Variants in RAPGEF2 observed in about 807,000 individuals in gnomAD.
RAPGEF2 encodes the protein PDZ domain containing guanine nucleotide exchange factor (GEF) 1.
In RAPGEF2, 54 loss-of-function variants were observed where a neutral mutation model predicts 186.7. That is an observed-to-expected ratio of 0.29 (90% CI 0.23 to 0.36). The LOEUF (loss-of-function observed/expected upper bound fraction) is 0.36. Ranked by LOEUF, RAPGEF2 falls within the 10% of genes least tolerant of loss-of-function variation. The probability of loss-of-function intolerance (pLI) is 1.00; values close to 1 mark genes in which losing one functional copy is unlikely to be tolerated. For synonymous variants in RAPGEF2, 712 were observed against 705.9 expected, an observed-to-expected ratio of 1.01 and a Z score of -0.14; for missense variants, 1,532 against 2,045.0, an observed-to-expected ratio of 0.75 and a Z score of 4.84.
chr4:159,154,291 G>C (rs1743876097), intron 1 of RAPGEF2, among the ~76,000 whole-genome samples: 1 of 152,162 alleles, frequency 6.6e-6, no homozygotes, highest in African/African-American at 2.4e-5. Context: ...AAACTTACTA[G>C]GTCGATCAGA....
intron 9 of RAPGEF2, among the ~76,000 whole-genome samples, chr4:159,319,952 G>T (rs955088516): frequency 6.6e-6 from 1 of 152,124 alleles, no homozygotes; most frequent in Admixed American, 6.5e-5. Context: ...GATCATGTAT[G>T]TGGTAATTAT....
chr4:159,350,402 G>T, intron 26 of RAPGEF2, 113 bp downstream of exon 26: 2 of 928,276 alleles, frequency 2.2e-6, no homozygotes, highest in Non-Finnish European at 2.9e-6. Flanking sequence ...TTTAAGATGA[G>T]CTCATTTGCA....
chr4:159,323,401 C>T, intron 10 of RAPGEF2, 58 bp from the exon 11 acceptor site: 1 of 1,398,592 alleles, frequency 7.2e-7, no homozygotes. Flanking sequence ...CATACTGGCA[C>T]TTACAGCTGT....
chr4:159,331,281 T>C (rs1006439944), intron 13 of RAPGEF2, 150 bp from the exon 14 acceptor site: 3 of 559,250 alleles, frequency 5.4e-6, no homozygotes, highest in African/African-American at 1.9e-5. Flanking sequence ...CAGAAGGTCA[T>C]CCTCATTTAA....
intron 1 of RAPGEF2, among the ~76,000 whole-genome samples, chr4:159,119,784 A>G (rs1344917868): frequency 3.3e-5 from 5 of 152,200 alleles, no homozygotes; most frequent in South Asian, 2.1e-4. Context: ...TATCATTTCT[A>G]TGGTAGATGA....
intron 9 of RAPGEF2, among the ~76,000 whole-genome samples, chr4:159,319,768 G>A (rs1361116981): frequency 1.3e-5 from 2 of 150,010 alleles, no homozygotes; most frequent in Non-Finnish European, 3.0e-5. Context: ...TCTATCCTGT[G>A]GTTTTTTTTT....
At chr4:159,263,650 G>A (rs1179140741) in intron 7 of RAPGEF2, among the ~76,000 whole-genome samples, 2 of 152,052 alleles carry the variant, frequency 1.3e-5, no homozygotes, top group East Asian at 1.9e-4. Flanking sequence ...TTAAAGATAA[G>A]TACATTATTC....
At position 159,359,103 on chromosome 4, in the gene RAPGEF2, T is replaced by C. The variant is rs1732445247; in HGVS notation, c.*964T>C. ...GATGGCAAACCCCATTTTTAAGTTA[T>C]ATTTCTTTGATTTTTGTTAATTTAG... On this transcript the variant is annotated 3_prime_UTR_variant, in exon 30 of 30. Transcript: ENST00000691494. 6.6e-6 allele frequency: 1 copy of C among 152,182 alleles called. No individual in the cohort carries two copies. The highest frequency in any genetic ancestry group is 2.4e-5 in the African/African-American group (1 of 41,430). 9.4% of individuals were successfully genotyped at this position (152,182 alleles called of 1,614,324 possible). A position where few individuals can be genotyped will look rare whatever the true frequency, so the allele number is the denominator to read the frequency against.
intron 1 of RAPGEF2, among the ~76,000 whole-genome samples, chr4:159,148,043 T>C (rs1404627525): frequency 6.6e-6 from 1 of 152,190 alleles, no homozygotes; most frequent in Non-Finnish European, 1.5e-5. Context: ...AATAGACATA[T>C]TTTATGAACT....
At chr4:159,256,123 T>TA (rs758271839) in intron 7 of RAPGEF2, among the ~76,000 whole-genome samples, 7 of 152,236 alleles carry the variant, frequency 4.6e-5, no homozygotes, top group Non-Finnish European at 1.0e-4. Context: ...ACAGCTTTGT[T>TA]ACATAGGTAA....
At chr4:159,118,494 G>A (rs1271389191) in intron 1 of RAPGEF2, among the ~76,000 whole-genome samples, 7 of 123,920 alleles carry the variant, frequency 5.6e-5, no homozygotes, top group South Asian at 4.9e-4. Flanking sequence ...GCACCCCCCC[G>A]CCCAACCCTG....
chr4:159,321,346 A>G (rs1266589321), intron 9 of RAPGEF2, among the ~76,000 whole-genome samples: 2 of 152,050 alleles, frequency 1.3e-5, no homozygotes, highest in Non-Finnish European at 2.9e-5. Flanking sequence ...AGCTAGGACT[A>G]TAGGTACGCA....
intron 28 of RAPGEF2, 26 bp downstream of exon 28, chr4:159,354,072 G>GTCA: frequency 1.3e-6 from 2 of 1,525,102 alleles, no homozygotes; most frequent in Non-Finnish European, 8.8e-7. Flanking sequence ...GGGGGACTTT[G>GTCA]TCATGTCTGG....
chr4:159,177,165 A>C (rs4585257), intron 1 of RAPGEF2, among the ~76,000 whole-genome samples: 72,497 of 151,586 alleles, frequency 0.48, 18,963 homozygotes, highest in African/African-American at 0.7. Context: ...CTGGATTTAT[A>C]AAACAGACAA....
At chr4:159,134,519 A>G (rs1482589717) in intron 1 of RAPGEF2, among the ~76,000 whole-genome samples, 1 of 152,190 alleles carries the variant, frequency 6.6e-6, no homozygotes, top group Non-Finnish European at 1.5e-5. Context: ...AGGATATATG[A>G]TAAGTGTATG....
intron 1 of RAPGEF2, among the ~76,000 whole-genome samples, chr4:159,142,309 C>A (rs897644878): frequency 6.6e-5 from 10 of 152,030 alleles, no homozygotes; most frequent in African/African-American, 2.4e-4. Context: ...GTATGTTAAA[C>A]CTCGGTTGAT....
intron 9 of RAPGEF2, among the ~76,000 whole-genome samples, chr4:159,321,197 A>G (rs1579928305): frequency 7.6e-6 from 1 of 130,768 alleles, no homozygotes; most frequent in Admixed American, 8.1e-5. Flanking sequence ...GAATCATGTC[A>G]CTGCCACTTT....
intron 26 of RAPGEF2, 195 bp from the exon 27 acceptor site, chr4:159,352,490 G>T: frequency 1.9e-6 from 1 of 527,206 alleles, no homozygotes; most frequent in Non-Finnish European, 3.4e-6. Flanking sequence ...TCTAAACTTC[G>T]ATTAAACAAC....
At chr4:159,289,748 G>C (rs1760951750) in intron 7 of RAPGEF2, among the ~76,000 whole-genome samples, 1 of 152,164 alleles carries the variant, frequency 6.6e-6, no homozygotes, top group South Asian at 2.1e-4. Context: ...GGGTATCACA[G>C]GAACATCTTA....
Sources: allele counts gnomAD v4.1 joint callset (sites outside exome capture counted in the v4.1 genomes callset), GRCh38; gene constraint gnomAD v4.1.1; transcripts MANE v1.5; gene names NCBI Gene and HGNC (gene_info 2026-07-23, HGNC 2026-07-21).